Variants in RHCG observed in about 807,000 individuals in gnomAD.
RHCG encodes the protein ammonium transporter Rh type C.
In RHCG, 39 loss-of-function variants were observed where a neutral mutation model predicts 55.3. That is an observed-to-expected ratio of 0.70 (90% confidence interval 0.55 to 0.92). The LOEUF is 0.92. Ranked by LOEUF, RHCG falls within the 40% of genes least tolerant of loss-of-function variation. The pLI, the probability that RHCG is intolerant of heterozygous loss-of-function variation, is 0.00. For synonymous variants in RHCG, 250 were observed against 246.8 expected (o/e 1.01, Z -0.12); for missense variants, 635 against 627.9 (o/e 1.01, Z -0.12).
chr15:89,486,603 T>TGA (rs1273531719), intron 2 of RHCG, 196 bp downstream of exon 2: 13,118 of 393,632 alleles, frequency 0.033, 380 homozygotes, highest in African/African-American at 0.048. Context: ...AGAGAGAGTG[T>TGA]GTGTGTGTGT....
In RHCG at chr15:89,486,783, C is replaced by T. The variant is rs752722803; in HGVS notation, c.371+16G>A. 6.4e-7 allele frequency: 1 copy of T among 1,573,864 alleles called. No individual in the cohort carries two copies. The highest frequency in any genetic ancestry group is 1.3e-5 in the African/African-American group (1 of 74,304). ...CTCCCAGTCCGCCACGCCCCCGGGG[C>T]CCGCCCTGCGCTCACTTCTCCACGC... On this transcript the variant is annotated intron_variant, in intron 2 of 10. Coordinates refer to ENST00000268122, the MANE Select transcript of RHCG (RefSeq NM_016321.3).
intron 1 of RHCG, among the ~76,000 whole-genome samples, chr15:89,491,311 T>C (rs1158007886): frequency 6.6e-6 from 1 of 152,152 alleles, no homozygotes; most frequent in Non-Finnish European, 1.5e-5. Flanking sequence ...TCTTTTCTTC[T>C]CTTCCCTCCG....
intron 1 of RHCG, among the ~76,000 whole-genome samples, chr15:89,493,062 T>C (rs1223290620): frequency 6.6e-6 from 1 of 152,222 alleles, no homozygotes; most frequent in Non-Finnish European, 1.5e-5. Flanking sequence ...ATCTGTTTAA[T>C]TCTAAAGTTC....
Position 89,477,638 on chromosome 15 carries a change from G to A in RHCG, c.991C>T (p.Arg331Trp), listed in dbSNP as rs747071051. The A allele has an allele frequency of 9.9e-6, 16 of 1,613,862 alleles. No individual in the cohort carries two copies. The highest frequency in any genetic ancestry group is 4.4e-5 in the South Asian group (4 of 91,072). ...FVYLTPFLES[R>W]LHIQDTCGIN... ...CCACATGTGTCCTGGATGTGCAGCCGGGACTCCAGGAATGGCTGGAGACGG... is the reference window on the plus strand; with the variant it reads ...CCACATGTGTCCTGGATGTGCAGCCAGGACTCCAGGAATGGCTGGAGACGG... The change falls in exon 7 of 11, where the codon CGG becomes TGG. Residue 331 changes from arginine (R) to tryptophan (W), a missense_variant. Arg to Trp is a moderately radical substitution (Grantham distance 101). Coordinates refer to ENST00000268122, the MANE Select transcript of RHCG (RefSeq NM_016321.3). The surrounding 1 kb of genome is among the most constrained non-coding windows in gnomAD (Gnocchi z 4.5).
Position 89,480,400 on chromosome 15 carries a change from A to C in RHCG, c.531T>G (p.Asp177Glu). The C allele has an allele frequency of 6.2e-7, 1 of 1,613,314 alleles. No homozygotes were observed. The highest frequency in any genetic ancestry group is 8.5e-7 in the Non-Finnish European group (1 of 1,179,420). The part of the protein sequence containing the change: ...FILLNLLKVK[D>E]AGGSMTIHTF... ...TGTGGATGGTCATGGAGCCTCCTGC[A>C]TCCTTCACCTGGGGTGCAAGGGGCC... The change falls in exon 4 of 11, where the codon GAT (aspartate) becomes GAG (glutamate). Residue 177 changes from aspartate (D) to glutamate (E), a missense_variant. Transcript: ENST00000268122.
intron 9 of RHCG, among the ~76,000 whole-genome samples, chr15:89,475,699 C>A (rs1397755944): frequency 6.6e-6 from 1 of 152,124 alleles, no homozygotes; most frequent in African/African-American, 2.4e-5. Flanking sequence ...GATTCCTAAC[C>A]CAGGCTGGGT....
Position 89,477,268 on chromosome 15 carries a change from C to T in RHCG, c.1113-62G>A, listed in dbSNP as rs192008270. Reference sequence around the variant, plus strand: ...GAGAGGCCAAGTAACAGCTTGCTGCCACCCCAAAAATGTGACCGGGTACCA... The same window carrying T: ...GAGAGGCCAAGTAACAGCTTGCTGCTACCCCAAAAATGTGACCGGGTACCA... On this transcript the variant is annotated intron_variant, in intron 7 of 10. Coordinates refer to ENST00000268122, the MANE Select transcript of RHCG (RefSeq NM_016321.3). The surrounding 1 kb of genome is among the most constrained non-coding windows in gnomAD (Gnocchi z 4.5). 120 of 1,600,126 alleles carry T rather than the reference C, an allele frequency of 7.5e-5. No homozygotes were observed. Among genetic ancestry groups the T allele is most frequent in the Non-Finnish European group, 9.7e-5 (113 of 1,170,730 alleles).
intron 3 of RHCG, 36 bp downstream of exon 3, chr15:89,483,031 C>G (rs1362627224): frequency 5.9e-6 from 9 of 1,525,034 alleles, no homozygotes; most frequent in Admixed American, 1.7e-5. Flanking sequence ...CCCAAAGCAC[C>G]CCCACCACCT....
intron 1 of RHCG, among the ~76,000 whole-genome samples, chr15:89,492,471 C>T (rs1042320493): frequency 6.6e-6 from 1 of 152,202 alleles, no homozygotes; most frequent in Non-Finnish European, 1.5e-5. Flanking sequence ...TGGCCAGTTC[C>T]CCAATTCCCC....
chr15:89,474,980 TCCTG>T (rs1399482943), intron 9 of RHCG, among the ~76,000 whole-genome samples: 5 of 136,204 alleles, frequency 3.7e-5, no homozygotes, highest in African/African-American at 1.0e-4. Context: ...CTTCATTCAT[TCCTG>T]CCTGCCTGCC....
Position 89,477,687 on chromosome 15 carries a change from G to A in RHCG, c.976-34C>T, listed in dbSNP as rs753042004. On this transcript the variant is annotated intron_variant, in intron 6 of 10. Transcript: ENST00000268122. The surrounding 1 kb of genome is among the most constrained non-coding windows in gnomAD (Gnocchi z 4.5). Reference sequence around the variant, plus strand: ...GGGAGGTGGGTGCTGCTCAGGCCGGGGGCTGCATCAAGGGTGTGGGGAGGC... The same window carrying A: ...GGGAGGTGGGTGCTGCTCAGGCCGGAGGCTGCATCAAGGGTGTGGGGAGGC... The A allele has an allele frequency of 1.2e-6, 2 of 1,612,396 alleles. No individual in the cohort carries two copies. Among genetic ancestry groups the A allele is most frequent in the East Asian group, 2.2e-5 (1 of 44,844 alleles).
Position 89,477,009 on chromosome 15 carries a change from A to C in RHCG, c.1237+73T>G, listed in dbSNP as rs930769026. ...GGGGGCTCAGGCTGACCTGTGCCGC[A>C]TGCCCTTTGCTTCTCCACCCAGGGA... On this transcript the variant is annotated intron_variant, in intron 8 of 10. Coordinates refer to ENST00000268122, the MANE Select transcript of RHCG (RefSeq NM_016321.3). This position sits in a 1 kb window ranked among gnomAD's most constrained non-coding sequence, Gnocchi z 4.5. The C allele has an allele frequency of 3.1e-6, 5 of 1,603,254 alleles. No homozygotes were observed. In the African/African-American group the frequency reaches 6.7e-5, roughly 21 times the overall value.
intron 1 of RHCG, among the ~76,000 whole-genome samples, chr15:89,493,021 G>A (rs954909082): frequency 1.3e-5 from 2 of 152,160 alleles, no homozygotes; most frequent in African/African-American, 4.8e-5. Flanking sequence ...GAGGTGGTTG[G>A]CTCCTCCATG....
chr15:89,491,023 C>A (rs1381493637), intron 1 of RHCG, among the ~76,000 whole-genome samples: 13 of 152,208 alleles, frequency 8.5e-5, no homozygotes, highest in Admixed American at 5.9e-4. Flanking sequence ...ACAGCATCAC[C>A]GCAAGTGGGG....
intron 2 of RHCG, 107 bp downstream of exon 2, chr15:89,486,692 C>A: frequency 2.7e-6 from 3 of 1,105,662 alleles, no homozygotes; most frequent in Non-Finnish European, 3.8e-6. Flanking sequence ...TGCCCTCCAG[C>A]CTCAAGCCCG....
intron 2 of RHCG, among the ~76,000 whole-genome samples, chr15:89,483,825 G>A (rs552218574): frequency 2.9e-4 from 44 of 152,336 alleles, no homozygotes; most frequent in African/African-American, 1.0e-3. Flanking sequence ...GGAGCAGGAA[G>A]GCCAGCAGGG....
chr15:89,483,158 C>T lies in RHCG; in HGVS notation c.431G>A (p.Gly144Asp). Residue 144 changes from glycine (G) to aspartate (D), a missense_variant, in exon 3 of 11, where the codon GGT becomes GAT. Gly to Asp is a moderately conservative substitution (Grantham distance 94). Coordinates refer to ENST00000268122, the MANE Select transcript of RHCG (RefSeq NM_016321.3). ...GAGCAGCTGAATGGGGCTGACTTTA[C>T]CCAGAACTGCCCCAAAGGCCACGCA... ...SVCVAFGAVL[G>D]KVSPIQLLIM... 1 of 1,602,860 alleles carries T rather than the reference C, an allele frequency of 6.2e-7. No homozygotes were observed. Among genetic ancestry groups the T allele is most frequent in the Non-Finnish European group, 8.5e-7 (1 of 1,170,792 alleles).
In RHCG at chr15:89,496,352, G is replaced by A. The variant is rs369163320; in HGVS notation, c.184+9C>T. ...TGCCTCCGCTGGGCCTGCAGGCGGC[G>A]AGACTTACTTGGGTAGCGATAGTAG... On this transcript the variant is annotated intron_variant, in intron 1 of 10. Transcript: ENST00000268122. 27 of 1,613,326 alleles carry A rather than the reference G, an allele frequency of 1.7e-5. No homozygotes were observed. In the Middle Eastern group the frequency reaches 8.2e-4, roughly 49 times the overall value.
intron 1 of RHCG, among the ~76,000 whole-genome samples, chr15:89,493,883 TC>T (rs1309154316): frequency 6.6e-6 from 1 of 151,984 alleles, no homozygotes; most frequent in African/African-American, 2.4e-5. Context: ...TCACACCACC[TC>T]CCTCACAGGT....
Sources: allele counts gnomAD v4.1 joint callset (sites outside exome capture counted in the v4.1 genomes callset), GRCh38; gene constraint gnomAD v4.1.1; non-coding constraint Gnocchi (gnomAD v3.1); transcripts MANE v1.5; gene names NCBI Gene and HGNC (gene_info 2026-07-23, HGNC 2026-07-21).